Variants in PTER observed in about 807,000 individuals in gnomAD.
The protein encoded by PTER is phosphotriesterase related.
PTER carries 38 observed loss-of-function variants against 29.6 expected under a neutral mutation model. The observed-to-expected ratio is 1.28, with a 90% CI of 0.99 to 1.68. The LOEUF (loss-of-function observed/expected upper bound fraction) is 1.68. PTER is among the 40% of genes most tolerant of loss of function. The probability of loss-of-function intolerance (pLI) is 0.00; values close to 1 mark genes in which losing one functional copy is unlikely to be tolerated. For missense variants in PTER, 482 were observed against 427.8 expected (o/e 1.13, Z -1.12); for synonymous variants, 172 against 154.5 (o/e 1.11, Z -0.84).
At chr10:16,502,091 T>G (rs1836372523) in intron 3 of PTER, among the ~76,000 whole-genome samples, 1 of 152,138 alleles carries the variant, frequency 6.6e-6, no homozygotes, top group Admixed American at 6.5e-5. Context: ...CACTGAAAAT[T>G]TAGGAAAGTT....
chr10:16,469,949 G>C (rs754220740), intron 1 of PTER, among the ~76,000 whole-genome samples: 2 of 151,852 alleles, frequency 1.3e-5, no homozygotes, highest in Non-Finnish European at 1.5e-5. Context: ...TTGCATCAGA[G>C]AGAATGTGAA....
chr10:16,438,962 G>A (rs1247492036), intron 1 of PTER, among the ~76,000 whole-genome samples: 2 of 150,088 alleles, frequency 1.3e-5, no homozygotes, highest in Non-Finnish European at 3.0e-5. Flanking sequence ...TAGGTCGCTA[G>A]TGGATGTAAT....
chr10:16,501,013 C>A (rs1463543639), intron 3 of PTER, among the ~76,000 whole-genome samples: 16 of 152,232 alleles, frequency 1.1e-4, no homozygotes, highest in Non-Finnish European at 7.4e-5. Flanking sequence ...CTCACTGCAA[C>A]CTCTGCCTTC....
intron 3 of PTER, among the ~76,000 whole-genome samples, chr10:16,500,593 GGGA>G (rs1237812612): frequency 6.6e-6 from 1 of 152,166 alleles, no homozygotes; most frequent in African/African-American, 2.4e-5. Context: ...TGAATCTTAT[GGGA>G]CAGTGTTAGT....
intron 1 of PTER, chr10:16,476,173 TC>T (rs1835254149): frequency 6.6e-6 from 1 of 152,162 alleles, no homozygotes; most frequent in African/African-American, 2.4e-5. Context: ...AACCTCTGCC[TC>T]CCGGGTTCAA....
At chr10:16,448,819 C>T (rs1166273002) in intron 1 of PTER, among the ~76,000 whole-genome samples, 2 of 152,198 alleles carry the variant, frequency 1.3e-5, no homozygotes, top group Non-Finnish European at 2.9e-5. Flanking sequence ...TATTGCTGGC[C>T]TTGCCATCTG....
chr10:16,504,901 CTGTT>C, intron 3 of PTER, 115 bp from the exon 4 acceptor site: 2 of 1,122,000 alleles, frequency 1.8e-6, no homozygotes, highest in Non-Finnish European at 1.3e-6. Flanking sequence ...TCAGAAGTGT[CTGTT>C]ACTCGACTTC....
chr10:16,504,965 A>G (rs961021450), intron 3 of PTER, 55 bp from the exon 4 acceptor site: 3 of 1,597,110 alleles, frequency 1.9e-6, no homozygotes, highest in East Asian at 2.2e-5. Flanking sequence ...TCTAGTATGT[A>G]CATGTGGAAA....
At chr10:16,448,576 G>T (rs566353096) in intron 1 of PTER, among the ~76,000 whole-genome samples, 2 of 152,242 alleles carry the variant, frequency 1.3e-5, no homozygotes, top group Admixed American at 6.5e-5. Context: ...GAGGTGGAAG[G>T]CCCCTGAATT....
At chr10:16,509,503 A>G (rs919689300) in intron 4 of PTER, among the ~76,000 whole-genome samples, 16 of 152,234 alleles carry the variant, frequency 1.1e-4, no homozygotes, top group Non-Finnish European at 2.9e-5. Context: ...TAAGAAACAT[A>G]GGCAAAAATT....
chr10:16,440,622 G>GGAGT (rs1354523270), intron 1 of PTER, among the ~76,000 whole-genome samples: 1 of 152,156 alleles, frequency 6.6e-6, no homozygotes, highest in Non-Finnish European at 1.5e-5. Context: ...AAACGCAAGT[G>GGAGT]GAGTGACCTG....
chr10:16,459,411 T>G (rs1834525332), intron 1 of PTER, among the ~76,000 whole-genome samples: 3 of 152,220 alleles, frequency 2.0e-5, no homozygotes, highest in African/African-American at 7.2e-5. Context: ...CTACTCCACA[T>G]TTGTCTCTGT....
At chr10:16,476,560 T>A (rs1014180088) in intron 1 of PTER, among the ~76,000 whole-genome samples, 1 of 152,118 alleles carries the variant, frequency 6.6e-6, no homozygotes, top group Non-Finnish European at 1.5e-5. Flanking sequence ...CTCCAAGTTT[T>A]GGGTTCTTCT....
chr10:16,487,762 C>T (rs964527242), intron 3 of PTER, among the ~76,000 whole-genome samples: 4 of 152,254 alleles, frequency 2.6e-5, no homozygotes, highest in Middle Eastern at 3.4e-3. Flanking sequence ...AATACAGCAC[C>T]AGTGAGACTA....
chr10:16,497,735 C>T (rs1332729622), intron 3 of PTER, among the ~76,000 whole-genome samples: 1 of 152,170 alleles, frequency 6.6e-6, no homozygotes, highest in Non-Finnish European at 1.5e-5. Flanking sequence ...TTCATGCAGA[C>T]TTCCTTTCTC....
chr10:16,474,919 C>T (rs922982637), intron 1 of PTER, among the ~76,000 whole-genome samples: 1 of 152,078 alleles, frequency 6.6e-6, no homozygotes, highest in Admixed American at 6.6e-5. Context: ...TATTTCTCAT[C>T]ATTCTGAAGG....
chr10:16,454,813 TATA>T (rs754892145), intron 1 of PTER, among the ~76,000 whole-genome samples: 60 of 151,988 alleles, frequency 3.9e-4, no homozygotes, highest in Middle Eastern at 3.4e-3. Flanking sequence ...AATACTAATA[TATA>T]ATAATAAACT....
chr10:16,448,619 T>C (rs1007685749), intron 1 of PTER, among the ~76,000 whole-genome samples: 3 of 152,200 alleles, frequency 2.0e-5, no homozygotes, highest in Non-Finnish European at 4.4e-5. Flanking sequence ...CCCTGGCATG[T>C]AAATATCTCA....
At chr10:16,484,236 A>T in intron 1 of PTER, 101 bp from the exon 2 acceptor site, 1 of 702,472 alleles carries the variant, frequency 1.4e-6, no homozygotes, top group Non-Finnish European at 2.3e-6. Context: ...TTGCCTTCTT[A>T]CATGGGTATA....
Sources: gnomAD v4.1 joint callset for allele counts (sites outside exome capture counted in the v4.1 genomes callset) on GRCh38, gnomAD v4.1.1 for gene constraint, MANE v1.5 for transcripts, NCBI Gene and HGNC (gene_info 2026-07-23, HGNC 2026-07-21) for gene names.